RABGAP1L: variants seen among roughly 807,000 people sequenced by gnomAD.
RABGAP1L encodes RAB GTPase activating protein 1 like.
Under a neutral mutation model 137.7 loss-of-function variants are expected in RABGAP1L, and 63 were observed. That is an observed-to-expected ratio of 0.46 (90% confidence interval 0.37 to 0.56). The LOEUF is 0.56. RABGAP1L is among the 20% of genes least tolerant of loss of function. The pLI, the probability that RABGAP1L is intolerant of heterozygous loss-of-function variation, is 0.00. For synonymous variants in RABGAP1L, 431 were observed against 433.7 expected, an observed-to-expected ratio of 0.99 and a Z score of 0.08; for missense variants, 1,095 against 1,244.0, an observed-to-expected ratio of 0.88 and a Z score of 1.80.
intron 15 of RABGAP1L, among the ~76,000 whole-genome samples, chr1:174,696,017 C>A (rs1679229447): frequency 6.6e-6 from 1 of 152,134 alleles, no homozygotes; most frequent in Non-Finnish European, 1.5e-5. Context: ...GCACTAGCCA[C>A]CACAGCTGGG....
At chr1:174,722,575 A>G (rs1294344500) in intron 17 of RABGAP1L, among the ~76,000 whole-genome samples, 3 of 151,526 alleles carry the variant, frequency 2.0e-5, no homozygotes. Context: ...TCAGCCTCCC[A>G]AGTGGCTGGG....
chr1:174,356,151 A>ATCAT (rs1199116500), intron 11 of RABGAP1L, among the ~76,000 whole-genome samples: 1 of 152,192 alleles, frequency 6.6e-6, no homozygotes, highest in Non-Finnish European at 1.5e-5. Context: ...TTAGACAAGT[A>ATCAT]TCATTATTAC....
Position 174,813,851 on chromosome 1 carries a change from A to G in RABGAP1L, c.2340+1891A>G, listed in dbSNP as rs984697340. Among the ~76,000 whole-genome samples, 8 of 152,344 alleles carry G rather than the reference A, an allele frequency of 5.3e-5. No homozygotes were observed. The South Asian group carries it at 8.3e-4, about 16-fold the overall frequency. Reference sequence around the variant, plus strand: ...CAACTGATTGTTTCGGAGATGCCAGAGAGAAGTATTGTAAATTGGGTCAAT... The same window carrying G: ...CAACTGATTGTTTCGGAGATGCCAGGGAGAAGTATTGTAAATTGGGTCAAT... On this transcript the variant is annotated intron_variant, in intron 19 of 25. Coordinates refer to ENST00000681986, the MANE Select transcript of RABGAP1L (RefSeq NM_001366446.1).
At chr1:174,572,931 G>T (rs1438834317) in intron 13 of RABGAP1L, among the ~76,000 whole-genome samples, 1 of 151,684 alleles carries the variant, frequency 6.6e-6, no homozygotes, top group Admixed American at 6.6e-5. Flanking sequence ...TCTCTCTTGG[G>T]AGAAATGTTG....
chr1:174,361,182 C>T (rs1022997008), intron 11 of RABGAP1L, among the ~76,000 whole-genome samples: 3 of 148,920 alleles, frequency 2.0e-5, no homozygotes, highest in Admixed American at 6.7e-5. Flanking sequence ...TACTGTAGCT[C>T]TGTGGTATAA....
chr1:174,195,036 A>G (rs1667468994), intron 1 of RABGAP1L, among the ~76,000 whole-genome samples: 1 of 151,948 alleles, frequency 6.6e-6, no homozygotes, highest in South Asian at 2.1e-4. Context: ...CCTGGAATAT[A>G]TATATTTGGA....
intron 13 of RABGAP1L, among the ~76,000 whole-genome samples, chr1:174,605,712 T>G (rs1363696850): frequency 6.6e-6 from 1 of 152,246 alleles, no homozygotes; most frequent in Non-Finnish European, 1.5e-5. Context: ...TCTGTGGTGT[T>G]GGCTTTTGTT....
chr1:174,264,917 C>T (rs75887104), intron 7 of RABGAP1L, among the ~76,000 whole-genome samples: 3,582 of 151,922 alleles, frequency 0.024, 138 homozygotes, highest in African/African-American at 0.082. Context: ...CTTATTTTAT[C>T]AAAAGTTAAT....
chr1:174,246,813 A>G (rs1672305365), intron 5 of RABGAP1L, among the ~76,000 whole-genome samples: 1 of 152,222 alleles, frequency 6.6e-6, no homozygotes, highest in South Asian at 2.1e-4. Flanking sequence ...AGTTTGTTAT[A>G]AGATACTGAT....
chr1:174,510,884 A>G (rs909289363), intron 13 of RABGAP1L, among the ~76,000 whole-genome samples: 3 of 152,174 alleles, frequency 2.0e-5, no homozygotes, highest in African/African-American at 7.2e-5. Flanking sequence ...AAGGCAAACT[A>G]ATTTGGTTGT....
At chr1:174,449,145 AG>A (rs770887901) in intron 13 of RABGAP1L, 1 of 1,611,630 alleles carries the variant, frequency 6.2e-7, no homozygotes, top group Admixed American at 1.7e-5. Flanking sequence ...GTGAAGGATC[AG>A]GAAGCACAAG....
chr1:174,181,332 C>CT lies in RABGAP1L; in HGVS notation c.-34+21682dup, dbSNP rs1201957112. Among the ~76,000 whole-genome samples the CT allele has an allele frequency of 2.7e-3, 385 of 142,830 alleles. 7 individuals carry two copies. Among genetic ancestry groups the CT allele is most frequent in the East Asian group, 4.2e-3 (20 of 4,734 alleles). The allele number at this position is 142,830 out of a possible 152,430, so 93.7% of individuals were successfully genotyped here. A position where few individuals can be genotyped will look rare whatever the true frequency, so the allele number is the denominator to read the frequency against. On this transcript the variant is annotated intron_variant, in intron 1 of 25. Coordinates refer to ENST00000681986, the MANE Select transcript of RABGAP1L (RefSeq NM_001366446.1). ...CTAATCATTTTATACAAGGGTCTTT[C>CT]TTTTTTTCTTTTTTTTTTTTTTTGA... is the stretch of plus-strand genomic sequence containing the variant.
At chr1:174,972,390 A>T (rs191284863) in intron 21 of RABGAP1L, among the ~76,000 whole-genome samples, 41 of 152,286 alleles carry the variant, frequency 2.7e-4, no homozygotes, top group Admixed American at 3.3e-4. Context: ...GTCTTTTCTG[A>T]GGTTATTGGT....
chr1:174,336,937 ATTG>A (rs1681538266), intron 11 of RABGAP1L, among the ~76,000 whole-genome samples: 2 of 151,538 alleles, frequency 1.3e-5, no homozygotes, highest in African/African-American at 4.9e-5. Context: ...ACTTTAAAGT[ATTG>A]TTGTATTATT....
intron 11 of RABGAP1L, among the ~76,000 whole-genome samples, chr1:174,353,639 T>G (rs1451314494): frequency 6.6e-6 from 1 of 152,186 alleles, no homozygotes; most frequent in Non-Finnish European, 1.5e-5. Context: ...GTCTAAATGC[T>G]CCCTCCTTTG....
chr1:174,809,433 G>A (rs763954667), intron 18 of RABGAP1L, among the ~76,000 whole-genome samples: 1 of 152,176 alleles, frequency 6.6e-6, no homozygotes, highest in Non-Finnish European at 1.5e-5. Flanking sequence ...GAGGTCCGGT[G>A]TGTGAGAATG....
intron 4 of RABGAP1L, among the ~76,000 whole-genome samples, chr1:174,239,215 A>G (rs550897172): frequency 2.6e-5 from 4 of 152,226 alleles, no homozygotes; most frequent in Admixed American, 1.3e-4. Flanking sequence ...GAAATGCAGA[A>G]ATCACCCGTC....
rs1419361939 is a variant in RABGAP1L at position 174,394,117 on chromosome 1, T to G, written c.1682T>G (p.Leu561Arg). 6.2e-7 allele frequency: 1 copy of G among 1,613,730 alleles called. No individual in the cohort carries two copies. Residue 561 changes from leucine (L) to arginine (R), a missense_variant, in exon 13 of 26, where the codon CTG (leucine) becomes CGG (arginine). Coordinates refer to ENST00000681986, the MANE Select transcript of RABGAP1L (RefSeq NM_001366446.1). The part of the protein sequence containing the change: ...LAGCHDNQAM[L>R]DRYRILITKD... ...GGCTGCCATGACAACCAGGCAATGC[T>G]GGATAGATACCGAATTCTTATCACA...
At chr1:174,615,804 C>T (rs149546963) in intron 13 of RABGAP1L, among the ~76,000 whole-genome samples, 2,743 of 152,348 alleles carry the variant, frequency 0.018, 72 homozygotes, top group African/African-American at 0.062. Flanking sequence ...CCCCCAGCCT[C>T]GCTGCCGCCT....
Sources: allele counts gnomAD v4.1 joint callset (sites outside exome capture counted in the v4.1 genomes callset), GRCh38; gene constraint gnomAD v4.1.1; transcripts MANE v1.5; gene names NCBI Gene and HGNC (gene_info 2026-07-23, HGNC 2026-07-21).